The following DLGAP2 variants were observed in gnomAD, a reference collection of about 807,000 sequenced individuals.
DLGAP2 encodes disks large-associated protein 2.
DLGAP2 carries 26 observed loss-of-function variants against 100.3 expected under a neutral mutation model. That is an observed-to-expected ratio of 0.26 (90% CI 0.19 to 0.36). The LOEUF is 0.36. Among genes scored for constraint, DLGAP2 ranks in the 10% least tolerant of loss-of-function variants. The pLI, the probability that DLGAP2 is intolerant of heterozygous loss-of-function variation, is 1.00. For missense variants in DLGAP2, 1,858 were observed against 1,453.2 expected, an observed-to-expected ratio of 1.28 and a Z score of -4.53; for synonymous variants, 886 against 630.1, an observed-to-expected ratio of 1.41 and a Z score of -6.08.
Position 1,417,728 on chromosome 8 carries a change from C to G in DLGAP2, c.107-83638C>G, listed in dbSNP as rs533846628. Among the ~76,000 whole-genome samples the G allele has an allele frequency of 5.1e-4, 5 of 9,730 alleles. 1 individual carries two copies. The highest frequency in any genetic ancestry group is 8.0e-4 in the African/African-American group (2 of 2,508). 6.4% of individuals were successfully genotyped at this position (9,730 alleles called of 152,430 possible). A position where few individuals can be genotyped will look rare whatever the true frequency, so the allele number is the denominator to read the frequency against. On this transcript the variant is annotated intron_variant, in intron 3 of 14. Coordinates refer to ENST00000637795, the MANE Select transcript of DLGAP2 (RefSeq NM_001346810.2). ...CTGCCTCACTCGGCGAGGCTCCAGACACAGAAGCCCACGGAGACCTATGAA... is the reference window on the plus strand; with the variant it reads ...CTGCCTCACTCGGCGAGGCTCCAGAGACAGAAGCCCACGGAGACCTATGAA...
chr8:1,254,149 C>T (rs1428940056), intron 2 of DLGAP2, among the ~76,000 whole-genome samples: 1 of 152,162 alleles, frequency 6.6e-6, no homozygotes, highest in Non-Finnish European at 1.5e-5. Context: ...GCGCTGAGGG[C>T]TGGTCACAGA....
chr8:836,628 G>C (rs1441575852), intron 1 of DLGAP2, among the ~76,000 whole-genome samples: 1 of 152,182 alleles, frequency 6.6e-6, no homozygotes, highest in Non-Finnish European at 1.5e-5. Context: ...GGCAGGGGGT[G>C]GGGTTGGGGT....
chr8:1,102,160 A>T, intron 2 of DLGAP2, among the ~76,000 whole-genome samples: 1 of 149,584 alleles, frequency 6.7e-6, no homozygotes, highest in Middle Eastern at 3.3e-3. Context: ...ATATATATTC[A>T]AGCTTTTACT....
intron 3 of DLGAP2, among the ~76,000 whole-genome samples, chr8:1,357,180 G>C (rs1466973446): frequency 6.6e-6 from 1 of 152,064 alleles, no homozygotes; most frequent in Non-Finnish European, 1.5e-5. Context: ...CGAGCCGCTG[G>C]GGATCTCAGT....
intron 8 of DLGAP2, among the ~76,000 whole-genome samples, chr8:1,652,449 T>C (rs9644259): frequency 0.35 from 53,931 of 152,016 alleles, 9,567 homozygotes; most frequent in East Asian, 0.39. Context: ...AAAAAAGGAA[T>C]AAATGAATGA....
intron 1 of DLGAP2, among the ~76,000 whole-genome samples, chr8:872,870 G>A (rs1302415748): frequency 1.3e-5 from 2 of 152,134 alleles, no homozygotes; most frequent in Non-Finnish European, 2.9e-5. Context: ...AATATCCAGG[G>A]TGGGGCAGGT....
At chr8:1,666,736 A>T (rs888657196) in intron 8 of DLGAP2, among the ~76,000 whole-genome samples, 1 of 152,126 alleles carries the variant, frequency 6.6e-6, no homozygotes, top group Non-Finnish European at 1.5e-5. Context: ...TATGCCTTAA[A>T]GCACAGGTCA....
intron 1 of DLGAP2, among the ~76,000 whole-genome samples, chr8:890,543 G>C (rs767661576): frequency 1.3e-5 from 2 of 151,864 alleles, no homozygotes; most frequent in African/African-American, 4.8e-5. Context: ...TCTGGGTCTC[G>C]ATGGCGCCTC....
At chr8:1,202,580 G>T (rs1797902628) in intron 2 of DLGAP2, among the ~76,000 whole-genome samples, 1 of 152,156 alleles carries the variant, frequency 6.6e-6, no homozygotes, top group Non-Finnish European at 1.5e-5. Context: ...GAGATGGGAG[G>T]TGTGGAGACA....
chr8:1,208,260 C>A (rs1016168663), intron 2 of DLGAP2, among the ~76,000 whole-genome samples: 3 of 152,102 alleles, frequency 2.0e-5, no homozygotes, highest in Admixed American at 6.6e-5. Flanking sequence ...GATGAGGATC[C>A]AGTTTCATTC....
At chr8:1,349,105 C>T (rs1351994035) in intron 3 of DLGAP2, among the ~76,000 whole-genome samples, 12 of 151,430 alleles carry the variant, frequency 7.9e-5, no homozygotes, top group Admixed American at 7.2e-4. Flanking sequence ...AGAGTGCTGC[C>T]GTTTTTAAGG....
In DLGAP2 at chr8:1,513,450, C is replaced by A. The variant is rs888846120; in HGVS notation, c.172+12019C>A. Among the ~76,000 whole-genome samples the A allele has an allele frequency of 5.0e-4, 76 of 152,328 alleles. 1 individual carries two copies. Among genetic ancestry groups the A allele is most frequent in the African/African-American group, 1.2e-4 (5 of 41,578 alleles). On this transcript the variant is annotated intron_variant, in intron 4 of 14. Transcript: ENST00000637795. ...TCGGTGGGATACACGTCCGCCTTTC[C>A]CTGGGAACAGCTGGTGGGAGCGGTG...
chr8:1,606,447 G>A (rs1041993345), intron 6 of DLGAP2, among the ~76,000 whole-genome samples: 1 of 152,026 alleles, frequency 6.6e-6, no homozygotes, highest in African/African-American at 2.4e-5. Flanking sequence ...CCACGAACCT[G>A]CATTCTCCCT....
At chr8:1,282,261 GCCC>G (rs1799833415) in intron 3 of DLGAP2, among the ~76,000 whole-genome samples, 3 of 111,304 alleles carry the variant, frequency 2.7e-5, no homozygotes, top group African/African-American at 6.9e-5. Context: ...TGAACCCAGC[GCCC>G]TGAACCATCC....
intron 3 of DLGAP2, among the ~76,000 whole-genome samples, chr8:1,319,642 G>C (rs1800849751): frequency 6.6e-6 from 1 of 152,220 alleles, no homozygotes; most frequent in Admixed American, 6.5e-5. Flanking sequence ...AGGGCCTGGA[G>C]AGTGACTGGG....
At chr8:1,512,877 G>A (rs1800219765) in intron 4 of DLGAP2, among the ~76,000 whole-genome samples, 1 of 152,248 alleles carries the variant, frequency 6.6e-6, no homozygotes, top group Non-Finnish European at 1.5e-5. Context: ...GGAAAGTGAG[G>A]CCCCGGGTCA....
chr8:1,539,085 C>T (rs752472922), intron 4 of DLGAP2, among the ~76,000 whole-genome samples: 2 of 152,032 alleles, frequency 1.3e-5, no homozygotes, highest in Non-Finnish European at 2.9e-5. Context: ...GGGGTTTCAC[C>T]GTGTTGGCCA....
intron 1 of DLGAP2, among the ~76,000 whole-genome samples, chr8:868,711 G>C (rs553271848): frequency 3.9e-5 from 6 of 152,176 alleles, no homozygotes; most frequent in African/African-American, 1.2e-4. Flanking sequence ...TGTCTGAGGC[G>C]TCTGCAGCCC....
At chr8:1,302,752 C>G (rs570819403) in intron 3 of DLGAP2, 1 of 152,430 alleles carries the variant, frequency 6.6e-6, no homozygotes, top group South Asian at 2.1e-4. Context: ...GGGAAGGGCT[C>G]TTGCCCCGCC....
Sources: allele counts gnomAD v4.1 joint callset (sites outside exome capture counted in the v4.1 genomes callset), GRCh38; gene constraint gnomAD v4.1.1; transcripts MANE v1.5; gene names NCBI Gene and HGNC (gene_info 2026-07-23, HGNC 2026-07-21).